Variants in TRA2B observed in about 807,000 individuals in gnomAD.
The protein encoded by TRA2B is transformer-2 protein homolog beta.
TRA2B carries 14 observed loss-of-function variants against 41.7 expected under a neutral mutation model. That is an observed-to-expected ratio of 0.34 (90% CI 0.22 to 0.53). The LOEUF (loss-of-function observed/expected upper bound fraction) is 0.53, where lower values mean the gene tolerates loss of function less well. Among genes scored for constraint, TRA2B ranks in the 20% least tolerant of loss-of-function variants. The pLI is 0.95. For synonymous variants in TRA2B, 130 were observed against 128.8 expected (o/e 1.01, Z -0.06); for missense variants, 167 against 396.8 (o/e 0.42, Z 4.92).
In TRA2B at chr3:185,936,793, C is replaced by A. The variant is rs1023835836; in HGVS notation, c.36+1032G>T. The A allele has an allele frequency of 8.1e-6, 8 of 985,020 alleles. No individual in the cohort carries two copies. In the African/African-American group the frequency reaches 1.4e-4, roughly 17 times the overall value. The allele number at this position is 985,020 out of a possible 1,614,324, so 61.0% of individuals were successfully genotyped here. ...TTAATTCTAGCAAGCCTCGTATGTTCGCATCATTCAATGCTTTCCGAATCC... is the reference window on the plus strand; with the variant it reads ...TTAATTCTAGCAAGCCTCGTATGTTAGCATCATTCAATGCTTTCCGAATCC... On this transcript the variant is annotated intron_variant, in intron 1 of 8. Coordinates refer to ENST00000453386, the MANE Select transcript of TRA2B (RefSeq NM_004593.3).
intron 1 of TRA2B, chr3:185,928,082 G>C (rs1398035402): frequency 6.6e-6 from 1 of 152,188 alleles, no homozygotes; most frequent in African/African-American, 2.4e-5. Context: ...GGACATTCTT[G>C]AAAGGACAGT....
chr3:185,927,835 G>A (rs1036095095), intron 1 of TRA2B: 8 of 152,250 alleles, frequency 5.3e-5, no homozygotes, highest in African/African-American at 1.4e-4. Context: ...GGAAAGGACA[G>A]AACCTACTCC....
intron 1 of TRA2B, among the ~76,000 whole-genome samples, chr3:185,930,587 T>C (rs939218237): frequency 7.2e-5 from 11 of 152,206 alleles, no homozygotes; most frequent in South Asian, 4.1e-4. Flanking sequence ...AGAAAACCGC[T>C]GGCTGACTAC....
intron 6 of TRA2B, among the ~76,000 whole-genome samples, chr3:185,919,808 G>C (rs921481463): frequency 3.3e-5 from 5 of 152,016 alleles, no homozygotes; most frequent in East Asian, 1.9e-4. Flanking sequence ...ATAAAAAAAG[G>C]GTTTTCATGG....
rs745447664 is a variant in TRA2B, at chr3:185,919,499, G to A, written c.723-3C>T. ...CTCCTCCTCCTCCACCTCCTCCTCTGTGAAGACAGAAAGGCAACACAACAC... is the reference window on the plus strand; with the variant it reads ...CTCCTCCTCCTCCACCTCCTCCTCTATGAAGACAGAAAGGCAACACAACAC... On this transcript the variant is annotated splice_region_variant and splice_polypyrimidine_tract_variant and intron_variant, in intron 6 of 8. Transcript: ENST00000453386. The A allele has an allele frequency of 9.8e-5, 158 of 1,611,178 alleles. No homozygotes were observed. Among genetic ancestry groups the A allele is most frequent in the Non-Finnish European group, 1.3e-4 (150 of 1,179,086 alleles).
intron 1 of TRA2B, chr3:185,934,519 A>G: frequency 1.0e-6 from 1 of 985,408 alleles, no homozygotes; most frequent in South Asian, 4.7e-5. Context: ...GTTTAAAACC[A>G]AGAAAAAAAT....
At position 185,931,763 on chromosome 3, in the gene TRA2B, AT is replaced by A. The variant is rs1219508471; in HGVS notation, c.37-5030del. 6 of 1,479,490 alleles carry A rather than the reference AT, an allele frequency of 4.1e-6. No homozygotes were observed. In the East Asian group the frequency reaches 1.6e-4, roughly 39 times the overall value. 91.6% of individuals were successfully genotyped at this position (1,479,490 alleles called of 1,614,324 possible). ...TGCATTCTTTCTTTTATTTTTTCAA[AT>A]TTCAGCTTCACTTATTCCTGAGCTT... On this transcript the variant is annotated intron_variant, in intron 1 of 8. Coordinates refer to ENST00000453386, the MANE Select transcript of TRA2B (RefSeq NM_004593.3).
chr3:185,925,179 G>A (rs957487692), intron 3 of TRA2B: 7 of 223,896 alleles, frequency 3.1e-5, no homozygotes, highest in Non-Finnish European at 5.2e-5. Context: ...TTGAACTAAT[G>A]TACTAATACT....
chr3:185,936,587 T>C (rs1744364145), intron 1 of TRA2B: 4 of 985,278 alleles, frequency 4.1e-6, no homozygotes, highest in Non-Finnish European at 4.8e-6. Flanking sequence ...AAAAGTTTGC[T>C]AAGACATTTA....
At position 185,915,326 on chromosome 3, in the gene TRA2B, TA is replaced by T. The variant is rs760974238; in HGVS notation, c.*2388del. 6.6e-6 allele frequency among the ~76,000 whole-genome samples: 1 copy of T among 152,260 alleles called. No individual in the cohort carries two copies. The highest frequency in any genetic ancestry group is 1.5e-5 in the Non-Finnish European group (1 of 68,036). On this transcript the variant is annotated 3_prime_UTR_variant, in exon 9 of 9. Coordinates refer to ENST00000453386, the MANE Select transcript of TRA2B (RefSeq NM_004593.3). ...GTTTTAGTAGTCTCAGCCCTACAGCTATAAGAAATGGATTGTTTGTATTGGC... is the reference window on the plus strand; with the variant it reads ...GTTTTAGTAGTCTCAGCCCTACAGCTTAAGAAATGGATTGTTTGTATTGGC...
At chr3:185,926,959 A>C in intron 1 of TRA2B, 1 of 482,828 alleles carries the variant, frequency 2.1e-6, no homozygotes, top group South Asian at 2.3e-5. Flanking sequence ...CAGGGATAAG[A>C]GTTATTTGAC....
intron 1 of TRA2B, chr3:185,937,106 G>C: frequency 1.0e-5 from 10 of 985,410 alleles, no homozygotes; most frequent in Non-Finnish European, 1.2e-5. Context: ...ATAGAATACT[G>C]ATACAGATTT....
At position 185,926,693 on chromosome 3, in the gene TRA2B, C is replaced by T. The variant is rs1578480027; in HGVS notation, c.78G>A (p.Ser26=). The T allele has an allele frequency of 4.3e-6, 7 of 1,614,076 alleles. No homozygotes were observed. The highest frequency in any genetic ancestry group is 5.9e-6 in the Non-Finnish European group (7 of 1,179,990). The part of the protein sequence containing the change: ...SASRSGSAHG[S]GKSARHTPAR... The stretch of plus-strand genomic sequence containing the variant: ...CAGGGGTATGCCTTGCAGATTTCCC[C>T]GATCCGTGAGCACTTCCACTTCTGG... The change falls in exon 2 of 9, where the codon TCG becomes TCA. Residue 26 remains serine (S), a synonymous_variant. Transcript: ENST00000453386.
At chr3:185,920,957 C>A in intron 6 of TRA2B, 147 bp downstream of exon 6, 1 of 530,972 alleles carries the variant, frequency 1.9e-6, no homozygotes, top group Non-Finnish European at 3.3e-6. Flanking sequence ...GACACAGAAC[C>A]TTAGAATCTG....
chr3:185,917,675 T>C lies in TRA2B; in HGVS notation c.*40A>G. The C allele has an allele frequency of 6.2e-7, 1 of 1,608,836 alleles. No homozygotes were observed. The highest frequency in any genetic ancestry group is 8.5e-7 in the Non-Finnish European group (1 of 1,176,644). On this transcript the variant is annotated 3_prime_UTR_variant, in exon 9 of 9. Transcript: ENST00000453386. Reference sequence around the variant, plus strand: ...AATAAAAAATATTGCCCACAAACAATATCCCAGCTCTAGGGCAGGTTTCAG... The same window carrying C: ...AATAAAAAATATTGCCCACAAACAACATCCCAGCTCTAGGGCAGGTTTCAG...
intron 7 of TRA2B, among the ~76,000 whole-genome samples, chr3:185,918,765 T>C (rs1578471136): frequency 6.6e-6 from 1 of 152,138 alleles, no homozygotes; most frequent in Non-Finnish European, 1.5e-5. Context: ...TCCCAGCACT[T>C]TGGGAGGCCA....
At chr3:185,931,086 AG>A (rs1255117469) in intron 1 of TRA2B, among the ~76,000 whole-genome samples, 1 of 152,240 alleles carries the variant, frequency 6.6e-6, no homozygotes, top group Non-Finnish European at 1.5e-5. Flanking sequence ...CTAATGCCAA[AG>A]GGAACTATTT....
chr3:185,934,580 A>G (rs1443664465), intron 1 of TRA2B: 2 of 985,314 alleles, frequency 2.0e-6, no homozygotes, highest in Admixed American at 6.1e-5. Flanking sequence ...CTCACAATAC[A>G]AAACAATTTC....
At chr3:185,928,608 G>T (rs772910063) in intron 1 of TRA2B, 1 of 152,064 alleles carries the variant, frequency 6.6e-6, no homozygotes. Context: ...TTTTACCACA[G>T]GCAAAAATTA....
Sources: allele counts gnomAD v4.1 joint callset (sites outside exome capture counted in the v4.1 genomes callset), GRCh38; gene constraint gnomAD v4.1.1; transcripts MANE v1.5; gene names NCBI Gene and HGNC (gene_info 2026-07-23, HGNC 2026-07-21).